The following CD47 variants were observed in gnomAD, a reference collection of about 807,000 sequenced individuals.
CD47 encodes leukocyte surface antigen CD47.
In CD47, 11 loss-of-function variants were observed where a neutral mutation model predicts 44.6. The ratio of observed to expected loss-of-function variants is 0.25; its 90% CI spans 0.16 to 0.41. CD47 has a LOEUF of 0.41. CD47 is among the 10% of genes least tolerant of loss of function. The pLI is 1.00. For missense variants in CD47, 306 were observed against 386.7 expected (o/e 0.79, Z 1.75); for synonymous variants, 140 against 136.3 (o/e 1.03, Z -0.19).
chr3:108,065,298 T>A (rs1165294998), intron 3 of CD47, among the ~76,000 whole-genome samples: 1 of 152,194 alleles, frequency 6.6e-6, no homozygotes, highest in Non-Finnish European at 1.5e-5. Context: ...TTCCCTGCCT[T>A]GTGGATTTCA....
chr3:108,062,537 A>T (rs2079032182), intron 3 of CD47, among the ~76,000 whole-genome samples: 1 of 152,200 alleles, frequency 6.6e-6, no homozygotes, highest in African/African-American at 2.4e-5. Flanking sequence ...TCAATGCATA[A>T]AAAAGCTACT....
At chr3:108,074,285 T>G (rs1040123148) in intron 2 of CD47, among the ~76,000 whole-genome samples, 2 of 152,100 alleles carry the variant, frequency 1.3e-5, no homozygotes, top group African/African-American at 4.8e-5. Flanking sequence ...AGAGGAAGAT[T>G]ACAGAACAAA....
At chr3:108,061,289 G>A (rs553052351) in intron 3 of CD47, among the ~76,000 whole-genome samples, 23 of 150,700 alleles carry the variant, frequency 1.5e-4, no homozygotes, top group African/African-American at 4.9e-4. Context: ...CAATGCCCCC[G>A]ATGAGCAAAA....
At chr3:108,056,721 T>G (rs113717636) in intron 7 of CD47, among the ~76,000 whole-genome samples, 5 of 152,256 alleles carry the variant, frequency 3.3e-5, no homozygotes, top group African/African-American at 1.2e-4. Context: ...AACATTAGTT[T>G]CAGGCACAAT....
chr3:108,063,680 A>C (rs1447926322), intron 3 of CD47, among the ~76,000 whole-genome samples: 7 of 152,232 alleles, frequency 4.6e-5, no homozygotes, highest in Non-Finnish European at 1.0e-4. Flanking sequence ...ACTTAGCATT[A>C]AGATAAAAAT....
chr3:108,080,025 T>C lies in CD47; in HGVS notation c.366A>G (p.Glu122=), dbSNP rs775182080. 13 of 1,610,842 alleles carry C rather than the reference T, an allele frequency of 8.1e-6. No individual in the cohort carries two copies. The highest frequency in any genetic ancestry group is 1.1e-5 in the Non-Finnish European group (13 of 1,178,186). ...ATTTTAGCTCGATGATCGTTTCACC[T>C]TCTCTGGTTAATTCTGTTACTTCAC... ...YTCEVTELTR[E]GETIIELKYR... is the part of the protein sequence containing the mutation. The change falls in exon 2 of 11, where the codon GAA becomes GAG. Residue 122 remains glutamate (E), a synonymous_variant. Coordinates refer to ENST00000361309, the MANE Select transcript of CD47 (RefSeq NM_001777.4).
Position 108,046,710 on chromosome 3 carries a change from A to T in CD47, c.*578T>A, listed in dbSNP as rs2078727611. ...AATGAGGACCACTATCTCCATCAAT[A>T]TCACATCATACGGAGATCATACAAG... On this transcript the variant is annotated 3_prime_UTR_variant, in exon 11 of 11. Transcript: ENST00000361309. 1 of 152,236 alleles carries T rather than the reference A, an allele frequency of 6.6e-6. No homozygotes were observed. Among genetic ancestry groups the T allele is most frequent in the Non-Finnish European group, 1.5e-5 (1 of 68,064 alleles). 9.4% of individuals were successfully genotyped at this position (152,236 alleles called of 1,614,324 possible).
At chr3:108,055,620 T>G in intron 7 of CD47, 1 of 1,008,114 alleles carries the variant, frequency 9.9e-7, no homozygotes, top group Non-Finnish European at 1.4e-6. Context: ...ATCAATAAAA[T>G]TAGGACACTA....
At chr3:108,067,944 A>G (rs992581990) in intron 3 of CD47, among the ~76,000 whole-genome samples, 4 of 152,206 alleles carry the variant, frequency 2.6e-5, no homozygotes, top group African/African-American at 9.7e-5. Context: ...TGCTGTCTTT[A>G]CTGAAAGTTT....
chr3:108,069,436 A>G (rs1443454243), intron 3 of CD47, among the ~76,000 whole-genome samples: 1 of 152,106 alleles, frequency 6.6e-6, no homozygotes, highest in African/African-American at 2.4e-5. Flanking sequence ...ATGAATAGAA[A>G]AAGACAGAAA....
intron 3 of CD47, among the ~76,000 whole-genome samples, 180 bp from the exon 4 acceptor site, chr3:108,061,032 G>A (rs568555021): frequency 1.3e-4 from 19 of 151,420 alleles, no homozygotes; most frequent in Middle Eastern, 3.4e-3. Flanking sequence ...ATAACGTCAC[G>A]GCAGTATAAA....
chr3:108,047,883 C>T (rs1054819495), intron 10 of CD47, among the ~76,000 whole-genome samples: 1 of 152,172 alleles, frequency 6.6e-6, no homozygotes, highest in African/African-American at 2.4e-5. Context: ...CAAGGCAAAA[C>T]TGTTTTACAA....
intron 7 of CD47, chr3:108,053,050 T>C (rs1022111613): frequency 6.6e-6 from 1 of 152,292 alleles, no homozygotes. Context: ...AAACATGCCA[T>C]GAACCACTCA....
At chr3:108,087,895 A>G (rs917293915) in intron 1 of CD47, among the ~76,000 whole-genome samples, 3 of 152,218 alleles carry the variant, frequency 2.0e-5, no homozygotes, top group Admixed American at 1.3e-4. Context: ...ATCAGAATCA[A>G]ATTTCCTGGG....
At chr3:108,070,943 T>A (rs56063635) in intron 3 of CD47, 150 bp downstream of exon 3, 78,623 of 475,422 alleles carry the variant, frequency 0.17, 7,777 homozygotes, top group Admixed American at 0.21. Context: ...AACATATACT[T>A]CAAGGAGACT....
chr3:108,057,650 G>A (rs943542313), intron 6 of CD47, 81 bp from the exon 7 acceptor site: 3 of 755,014 alleles, frequency 4.0e-6, no homozygotes, highest in Non-Finnish European at 6.9e-6. Flanking sequence ...CAAGTTTTAA[G>A]AGAGTTATTC....
intron 2 of CD47, among the ~76,000 whole-genome samples, chr3:108,073,353 CCACAAA>C (rs1483680756): frequency 1.3e-5 from 2 of 151,998 alleles, no homozygotes; most frequent in Non-Finnish European, 2.9e-5. Flanking sequence ...TTCACTTATT[CCACAAA>C]CACTTATTGA....
chr3:108,070,941 C>G, intron 3 of CD47, 152 bp downstream of exon 3: 1 of 476,794 alleles, frequency 2.1e-6, no homozygotes, highest in Non-Finnish European at 3.8e-6. Flanking sequence ...ACAACATATA[C>G]TTCAAGGAGA....
At position 108,065,844 on chromosome 3, in the gene CD47, A is replaced by G. The variant is rs955947397; in HGVS notation, c.491-4992T>C. ...AAAAAAAAAAAAAAAAAAAAAAAAA[A>G]GAATTCACAGTAAACTTAATAACAA... On this transcript the variant is annotated intron_variant, in intron 3 of 10. Coordinates refer to ENST00000361309, the MANE Select transcript of CD47 (RefSeq NM_001777.4). 3.1e-5 allele frequency among the ~76,000 whole-genome samples: 4 copies of G among 127,958 alleles called. No homozygotes were observed. In the East Asian group the frequency reaches 9.2e-4, roughly 29 times the overall value. The allele number at this position is 127,958 out of a possible 152,430, so 83.9% of individuals were successfully genotyped here. A position where few individuals can be genotyped will look rare whatever the true frequency, so the allele number is the denominator to read the frequency against.
Sources: allele counts gnomAD v4.1 joint callset (sites outside exome capture counted in the v4.1 genomes callset), GRCh38; gene constraint gnomAD v4.1.1; transcripts MANE v1.5; gene names NCBI Gene and HGNC (gene_info 2026-07-23, HGNC 2026-07-21).